Variants in RBFOX1 observed in about 807,000 individuals in gnomAD.
RBFOX1 encodes the protein RNA binding fox-1 homolog 1.
A neutral mutation model predicts 57.7 loss-of-function variants in RBFOX1; 8 were observed. That is an observed-to-expected ratio of 0.14 (90% CI 0.08 to 0.25). The LOEUF is 0.25. Ranked by LOEUF, RBFOX1 falls within the 10% of genes least tolerant of loss-of-function variation. The probability of loss-of-function intolerance (pLI) is 1.00; values close to 1 mark genes in which losing one functional copy is unlikely to be tolerated. For synonymous variants in RBFOX1, 326 were observed against 222.4 expected, an observed-to-expected ratio of 1.47 and a Z score of -4.15; for missense variants, 611 against 548.5, an observed-to-expected ratio of 1.11 and a Z score of -1.14.
intron 4 of RBFOX1, among the ~76,000 whole-genome samples, chr16:7,286,684 C>T (rs551603306): frequency 5.1e-5 from 7 of 137,986 alleles, no homozygotes; most frequent in Non-Finnish European, 7.5e-5. Context: ...AGTGCAGTGG[C>T]GAGATCTCGG....
At chr16:5,750,193 C>T (rs914892047) in intron 3 of RBFOX1, among the ~76,000 whole-genome samples, 6 of 152,186 alleles carry the variant, frequency 3.9e-5, no homozygotes, top group African/African-American at 1.2e-4. Flanking sequence ...TATTTCTGAA[C>T]AGCAAATGTT....
At chr16:7,527,239 G>C (rs1050756662) in intron 5 of RBFOX1, among the ~76,000 whole-genome samples, 1 of 152,132 alleles carries the variant, frequency 6.6e-6, no homozygotes, top group Non-Finnish European at 1.5e-5. Flanking sequence ...TGAGCACTAT[G>C]CTTCTCACTC....
chr16:7,649,166 TAAG>T (rs1025830840), intron 11 of RBFOX1, among the ~76,000 whole-genome samples: 3 of 152,152 alleles, frequency 2.0e-5, no homozygotes, highest in African/African-American at 7.2e-5. Flanking sequence ...TTCCCAAAAG[TAAG>T]AGGAGGAGCA....
chr16:6,977,279 T>C (rs943931205), intron 3 of RBFOX1, among the ~76,000 whole-genome samples: 4 of 151,470 alleles, frequency 2.6e-5, no homozygotes, highest in African/African-American at 9.7e-5. Context: ...CAAGGGTTTG[T>C]GATAAAGGAT....
chr16:5,994,528 G>A (rs1457510477), intron 4 of RBFOX1, among the ~76,000 whole-genome samples: 1 of 152,156 alleles, frequency 6.6e-6, no homozygotes, highest in Non-Finnish European at 1.5e-5. Context: ...AATTTTAGCA[G>A]CAGATTTCTA....
intron 1 of RBFOX1, among the ~76,000 whole-genome samples, chr16:6,158,166 C>T (rs1183260698): frequency 2.6e-5 from 4 of 152,252 alleles, no homozygotes; most frequent in African/African-American, 9.6e-5. Context: ...ACTTTAGTCA[C>T]TAGGTATCAG....
At chr16:6,591,371 T>G (rs2153988570) in intron 2 of RBFOX1, among the ~76,000 whole-genome samples, 1 of 152,262 alleles carries the variant, frequency 6.6e-6, no homozygotes, top group South Asian at 2.1e-4. Context: ...TGAGAATCAC[T>G]TGAACTTGGG....
chr16:5,559,182 A>G (rs1380048061), intron 2 of RBFOX1, among the ~76,000 whole-genome samples: 2 of 151,578 alleles, frequency 1.3e-5, no homozygotes, highest in Admixed American at 1.3e-4. Context: ...AAAAAAAAAA[A>G]AAAAAAAAGT....
intron 2 of RBFOX1, among the ~76,000 whole-genome samples, chr16:6,475,567 G>T (rs2095259554): frequency 6.6e-6 from 1 of 152,156 alleles, no homozygotes; most frequent in African/African-American, 2.4e-5. Context: ...GATTCATTTA[G>T]AAATGTAACC....
intron 3 of RBFOX1, among the ~76,000 whole-genome samples, chr16:7,026,314 T>C (rs771304962): frequency 3.3e-5 from 5 of 152,234 alleles, no homozygotes; most frequent in Non-Finnish European, 5.9e-5. Context: ...TTAATGTCTT[T>C]TAATTAACGG....
chr16:5,909,929 T>G (rs1173189787), intron 4 of RBFOX1, among the ~76,000 whole-genome samples: 1 of 152,054 alleles, frequency 6.6e-6, no homozygotes. Context: ...GGCAGGCACC[T>G]GTAATCCCAG....
chr16:6,286,822 T>G (rs944240360), intron 1 of RBFOX1, among the ~76,000 whole-genome samples: 1 of 152,150 alleles, frequency 6.6e-6, no homozygotes, highest in Non-Finnish European at 1.5e-5. Flanking sequence ...TAATCCTAAA[T>G]AATATTATTT....
chr16:7,268,924 C>G (rs556756334), intron 4 of RBFOX1, among the ~76,000 whole-genome samples: 4 of 151,606 alleles, frequency 2.6e-5, no homozygotes, highest in Non-Finnish European at 5.9e-5. Context: ...GCAATCCCAG[C>G]TACTCAGGAG....
At chr16:5,770,787 C>T (rs1033273131) in intron 3 of RBFOX1, among the ~76,000 whole-genome samples, 6 of 152,152 alleles carry the variant, frequency 3.9e-5, no homozygotes, top group Non-Finnish European at 7.3e-5. Context: ...TGTGGGTGGC[C>T]TAGAAGAAAA....
intron 4 of RBFOX1, among the ~76,000 whole-genome samples, chr16:7,199,225 G>A (rs1020705265): frequency 6.6e-6 from 1 of 152,160 alleles, no homozygotes; most frequent in Admixed American, 6.5e-5. Context: ...ATTTTAAGGA[G>A]CTAAGAGCTT....
chr16:6,797,040 G>C (rs1033251272), intron 3 of RBFOX1, among the ~76,000 whole-genome samples: 1 of 152,078 alleles, frequency 6.6e-6, no homozygotes, highest in Non-Finnish European at 1.5e-5. Context: ...TGGTCTAAAA[G>C]GTTTCCACTC....
chr16:6,675,455 C>G (rs1003389228), intron 3 of RBFOX1, among the ~76,000 whole-genome samples: 16 of 152,144 alleles, frequency 1.1e-4, no homozygotes, highest in Non-Finnish European at 2.9e-5. Flanking sequence ...TCAAGACTTG[C>G]ATTTGACAAA....
intron 2 of RBFOX1, among the ~76,000 whole-genome samples, chr16:6,568,479 C>T (rs1479304771): frequency 6.6e-6 from 1 of 152,126 alleles, no homozygotes; most frequent in Non-Finnish European, 1.5e-5. Flanking sequence ...AGATGGAAGC[C>T]ATAGTCTTTT....
intron 7 of RBFOX1, among the ~76,000 whole-genome samples, chr16:7,590,310 A>G (rs898146193): frequency 3.3e-5 from 5 of 152,052 alleles, no homozygotes; most frequent in Non-Finnish European, 5.9e-5. Context: ...TCCAGTATCT[A>G]TATTCCAGGT....
Sources: allele counts gnomAD v4.1 joint callset (sites outside exome capture counted in the v4.1 genomes callset), GRCh38; gene constraint gnomAD v4.1.1; transcripts MANE v1.5; gene names NCBI Gene and HGNC (gene_info 2026-07-23, HGNC 2026-07-21).